SCRN1: variants seen among roughly 807,000 people sequenced by gnomAD.
SCRN1 encodes the protein secernin-1.
A neutral mutation model predicts 43.3 loss-of-function variants in SCRN1; 19 were observed. The ratio of observed to expected loss-of-function variants is 0.44; its 90% CI spans 0.31 to 0.64. SCRN1 has a LOEUF of 0.64. Ranked by LOEUF, SCRN1 falls within the 30% of genes least tolerant of loss-of-function variation. The pLI, the probability that SCRN1 is intolerant of heterozygous loss-of-function variation, is 0.09. For missense variants in SCRN1, 447 were observed against 524.1 expected, an observed-to-expected ratio of 0.85 and a Z score of 1.44; for synonymous variants, 183 against 188.9, an observed-to-expected ratio of 0.97 and a Z score of 0.26.
chr7:29,934,640 C>A (rs1787263290), intron 6 of SCRN1, among the ~76,000 whole-genome samples: 1 of 152,138 alleles, frequency 6.6e-6, no homozygotes, highest in South Asian at 2.1e-4. Context: ...AAGACGGAGC[C>A]CCAAATCTGG....
chr7:29,925,376 C>T (rs1239248658), intron 7 of SCRN1, among the ~76,000 whole-genome samples: 1 of 152,164 alleles, frequency 6.6e-6, no homozygotes, highest in Non-Finnish European at 1.5e-5. Flanking sequence ...TCCACCATGT[C>T]AAATGCAAGA....
At chr7:29,974,685 CTTT>C (rs1183202361) in intron 1 of SCRN1, among the ~76,000 whole-genome samples, 5 of 134,196 alleles carry the variant, frequency 3.7e-5, no homozygotes, top group Non-Finnish European at 6.3e-5. Context: ...TTCTTTCTTT[CTTT>C]TTTTTTTTTT....
At chr7:29,944,504 A>T (rs1035272456) in intron 3 of SCRN1, among the ~76,000 whole-genome samples, 29 of 151,944 alleles carry the variant, frequency 1.9e-4, no homozygotes, top group South Asian at 6.2e-4. Context: ...TCAAAAAAAA[A>T]TTTTTTTAAT....
intron 2 of SCRN1, among the ~76,000 whole-genome samples, chr7:29,964,126 T>C (rs528605327): frequency 1.3e-5 from 2 of 152,266 alleles, no homozygotes; most frequent in South Asian, 2.1e-4. Flanking sequence ...CATAAATATA[T>C]GATTACCTAT....
intron 1 of SCRN1, among the ~76,000 whole-genome samples, chr7:29,971,174 C>T (rs1007488202): frequency 2.8e-4 from 42 of 152,206 alleles, no homozygotes; most frequent in African/African-American, 1.0e-3. Flanking sequence ...AACTCAGCTC[C>T]ACCACCTACT....
At chr7:29,976,010 G>C (rs1406302450) in intron 1 of SCRN1, among the ~76,000 whole-genome samples, 1 of 152,238 alleles carries the variant, frequency 6.6e-6, no homozygotes. Context: ...AGTTGTAAAT[G>C]TAAAGGTATC....
At chr7:29,931,975 C>A (rs1182318262) in intron 6 of SCRN1, among the ~76,000 whole-genome samples, 1 of 152,042 alleles carries the variant, frequency 6.6e-6, no homozygotes, top group East Asian at 1.9e-4. Context: ...TATGTACCCA[C>A]AAAAATTAAA....
At chr7:29,924,208 T>TAGA in intron 7 of SCRN1, 93 bp from the exon 8 acceptor site, 1 of 1,299,462 alleles carries the variant, frequency 7.7e-7, no homozygotes, top group South Asian at 1.4e-5. Context: ...GCTGGCTTCC[T>TAGA]GCTCAAGGTC....
chr7:29,938,668 G>A (rs1026808945), intron 5 of SCRN1, among the ~76,000 whole-genome samples: 1 of 152,232 alleles, frequency 6.6e-6, no homozygotes, highest in African/African-American at 2.4e-5. Flanking sequence ...CAGATAACTA[G>A]CCAGACCCAT....
intron 5 of SCRN1, 31 bp from the exon 6 acceptor site, chr7:29,936,752 A>AAGAGT: frequency 6.7e-7 from 1 of 1,502,240 alleles, no homozygotes; most frequent in Non-Finnish European, 9.0e-7. Context: ...GACAAATGGA[A>AAGAGT]AGAGTAGATA....
At chr7:29,948,250 A>C (rs1787799917) in intron 3 of SCRN1, among the ~76,000 whole-genome samples, 1 of 152,196 alleles carries the variant, frequency 6.6e-6, no homozygotes, top group East Asian at 1.9e-4. Context: ...GCCACCTTCT[A>C]GCTCTGGGGC....
Position 29,989,716 on chromosome 7 carries a change from G to A in SCRN1, c.-76C>T. On this transcript the variant is annotated 5_prime_UTR_variant, in exon 1 of 8. Transcript: ENST00000242059. ...TGCGGCCGCCGAGGGTGCGGGTGCT[G>A]CCGGGTCCGGATTACTGCGGCGACC... 1.0e-6 allele frequency: 1 copy of A among 986,042 alleles called. No individual in the cohort carries two copies. The highest frequency in any genetic ancestry group is 1.2e-6 in the Non-Finnish European group (1 of 830,488). 61.1% of individuals were successfully genotyped at this position (986,042 alleles called of 1,614,324 possible). A position where few individuals can be genotyped will look rare whatever the true frequency, so the allele number is the denominator to read the frequency against.
intron 2 of SCRN1, among the ~76,000 whole-genome samples, chr7:29,957,441 T>C (rs570526800): frequency 9.2e-5 from 14 of 152,362 alleles, no homozygotes; most frequent in African/African-American, 3.4e-4. Context: ...TGCCGTTCCA[T>C]TCCATTTATC....
chr7:29,959,572 TTTG>T (rs1266654045), intron 2 of SCRN1, among the ~76,000 whole-genome samples: 1 of 152,158 alleles, frequency 6.6e-6, no homozygotes, highest in African/African-American at 2.4e-5. Flanking sequence ...GCCCTCCATG[TTTG>T]TTTTTATTTT....
At chr7:29,931,005 C>T (rs923566334) in intron 6 of SCRN1, among the ~76,000 whole-genome samples, 10 of 152,184 alleles carry the variant, frequency 6.6e-5, no homozygotes, top group Non-Finnish European at 1.2e-4. Context: ...CATGACACGA[C>T]GCACAGCGTG....
At chr7:29,990,128 G>T (rs1481790011), upstream of SCRN1, 2 of 1,551,266 alleles carry the variant, frequency 1.3e-6, no homozygotes, top group East Asian at 2.4e-5. Context: ...TGGTTGCTAC[G>T]TCCGGGCCTC....
At chr7:29,929,534 C>T (rs1787088354) in intron 6 of SCRN1, among the ~76,000 whole-genome samples, 5 of 152,226 alleles carry the variant, frequency 3.3e-5, no homozygotes, top group Admixed American at 3.3e-4. Context: ...GACACAGGAC[C>T]CCTTGGGAGA....
Position 29,925,224 on chromosome 7 carries a change from C to T in SCRN1, c.1087-1109G>A, listed in dbSNP as rs529447817. 9.8e-5 allele frequency among the ~76,000 whole-genome samples: 15 copies of T among 152,318 alleles called. No individual in the cohort carries two copies. The East Asian group carries it at 2.1e-3, about 22-fold the overall frequency. ...GGAGGAGAGATGTAAAATAACTGTG[C>T]GACCTTTACGTGTCAAATGGTCACT... On this transcript the variant is annotated intron_variant, in intron 7 of 7. Transcript: ENST00000242059.
In SCRN1 at chr7:29,983,107, G is replaced by A. The variant is rs187942613; in HGVS notation, c.-2+6535C>T. ...CCACCTCGGCCTCCCAAAGTGCTGG[G>A]ATTACAGGCATGAGCCATCACACCT... On this transcript the variant is annotated intron_variant, in intron 1 of 7. Transcript: ENST00000242059. 2.5e-4 allele frequency among the ~76,000 whole-genome samples: 38 copies of A among 152,068 alleles called. 2 individuals are homozygous for A. The highest frequency in any genetic ancestry group is 8.9e-4 in the African/African-American group (37 of 41,484).
Sources: gnomAD v4.1 joint callset for allele counts (sites outside exome capture counted in the v4.1 genomes callset) on GRCh38, gnomAD v4.1.1 for gene constraint, MANE v1.5 for transcripts, NCBI Gene and HGNC (gene_info 2026-07-23, HGNC 2026-07-21) for gene names.